The following GAD2 variants were observed in gnomAD, a reference collection of about 807,000 sequenced individuals.
GAD2 encodes glutamate decarboxylase 2.
GAD2 carries 22 observed loss-of-function variants against 80.1 expected under a neutral mutation model. The ratio of observed to expected loss-of-function variants is 0.27; its 90% CI spans 0.20 to 0.39. The LOEUF is 0.39. Ranked by LOEUF, GAD2 falls within the 10% of genes least tolerant of loss-of-function variation. The probability of loss-of-function intolerance (pLI) is 1.00; values close to 1 mark genes in which losing one functional copy is unlikely to be tolerated. For synonymous variants in GAD2, 274 were observed against 256.9 expected (o/e 1.07, Z -0.64); for missense variants, 624 against 738.4 (o/e 0.85, Z 1.80).
chr10:26,243,520 A>G (rs567154710), intron 7 of GAD2, among the ~76,000 whole-genome samples: 1 of 152,362 alleles, frequency 6.6e-6, no homozygotes, highest in South Asian at 2.1e-4. Context: ...CAGATGCAGT[A>G]CAGCTGGGCT....
At chr10:26,224,306 A>G (rs568124626) in intron 5 of GAD2, among the ~76,000 whole-genome samples, 1 of 152,336 alleles carries the variant, frequency 6.6e-6, no homozygotes, top group East Asian at 1.9e-4. Flanking sequence ...ATTCAATACA[A>G]TAAATTCCCC....
rs1834330472 is a variant in GAD2, at chr10:26,301,612, A to G, written c.*651A>G. ...ATGGAGGCACAATAAAACACTTAGC[A>G]AAGTTATTTTGAAACATTGACCCAC... is the stretch of plus-strand genomic sequence containing the variant. On this transcript the variant is annotated 3_prime_UTR_variant, in exon 16 of 16. Coordinates refer to ENST00000376261, the MANE Select transcript of GAD2 (RefSeq NM_001134366.2). The G allele has an allele frequency of 6.6e-6, 1 of 152,192 alleles. No individual in the cohort carries two copies. Among genetic ancestry groups the G allele is most frequent in the Non-Finnish European group, 1.5e-5 (1 of 68,044 alleles). 9.4% of individuals were successfully genotyped at this position (152,192 alleles called of 1,614,324 possible).
At chr10:26,230,310 T>C (rs8190637) in intron 7 of GAD2, among the ~76,000 whole-genome samples, 6,645 of 152,260 alleles carry the variant, frequency 0.044, 491 homozygotes, top group African/African-American at 0.15. Flanking sequence ...ATTTGGACCA[T>C]TGATGCTACG....
chr10:26,253,742 A>G (rs1224812721), intron 8 of GAD2, among the ~76,000 whole-genome samples: 1 of 152,246 alleles, frequency 6.6e-6, no homozygotes, highest in East Asian at 1.9e-4. Flanking sequence ...AAGCACCATG[A>G]TAGAGAAAGT....
At chr10:26,276,340 C>T (rs1480793565) in intron 11 of GAD2, among the ~76,000 whole-genome samples, 1 of 151,998 alleles carries the variant, frequency 6.6e-6, no homozygotes, top group African/African-American at 2.4e-5. Flanking sequence ...CCCTGAGACT[C>T]CAGAGCATGA....
upstream of GAD2, chr10:26,216,600 T>G: frequency 2.3e-6 from 1 of 433,264 alleles, no homozygotes; most frequent in South Asian, 3.9e-5. The surrounding 1 kb of genome is among the most constrained non-coding windows in gnomAD (Gnocchi z 4.7). Flanking sequence ...GCCACGTCCC[T>G]AAACCCTGTC....
At chr10:26,243,726 T>C (rs1293745607) in intron 7 of GAD2, among the ~76,000 whole-genome samples, 2 of 152,250 alleles carry the variant, frequency 1.3e-5, no homozygotes, top group African/African-American at 4.8e-5. Context: ...TGACTCAGGC[T>C]TGGCAGTTGC....
Position 26,240,984 on chromosome 10 carries a change from G to A in GAD2, c.841-4937G>A, listed in dbSNP as rs145207168. Among the ~76,000 whole-genome samples the A allele has an allele frequency of 1.5e-3, 223 of 152,116 alleles. 2 individuals are homozygous for A. Among genetic ancestry groups the A allele is most frequent in the African/African-American group, 4.5e-3 (188 of 41,500 alleles). On this transcript the variant is annotated intron_variant, in intron 7 of 15. Transcript: ENST00000376261. ...GTGAATCCGGGAAGCGGAGCTTGCA[G>A]TGAGCTGAGATCGTGCCACTGCACT...
Position 26,235,968 on chromosome 10 carries a change from A to G in GAD2, c.840+6191A>G, listed in dbSNP as rs547704920. On this transcript the variant is annotated intron_variant, in intron 7 of 15. Transcript: ENST00000376261. ...CAAACAGTGGCTCTTTAGGCAAATC[A>G]CCGTAACTAATTCGCTCCGCTCTTC... Among the ~76,000 whole-genome samples, 5 of 152,242 alleles carry G rather than the reference A, an allele frequency of 3.3e-5. No individual in the cohort carries two copies. The South Asian group carries it at 1.0e-3, about 32-fold the overall frequency.
Position 26,292,422 on chromosome 10 carries a change from C to T in GAD2, c.1387-43C>T, listed in dbSNP as rs373811256. The T allele has an allele frequency of 5.2e-5, 76 of 1,453,700 alleles. No homozygotes were observed. In the African/African-American group the frequency reaches 1.0e-3, roughly 19 times the overall value. 90.1% of individuals were successfully genotyped at this position (1,453,700 alleles called of 1,614,324 possible). ...GTCTCCAGGGAAATCGCTTCCTCCGCACTCTTAGCCTGCTTAATGAGCTGT... is the reference window on the plus strand; with the variant it reads ...GTCTCCAGGGAAATCGCTTCCTCCGTACTCTTAGCCTGCTTAATGAGCTGT... On this transcript the variant is annotated intron_variant, in intron 13 of 15. Transcript: ENST00000376261.
intron 13 of GAD2, 131 bp from the exon 14 acceptor site, chr10:26,292,334 A>G (rs777599904): frequency 9.7e-5 from 63 of 649,232 alleles, no homozygotes; most frequent in Non-Finnish European, 9.4e-5. Context: ...AAGCCTTTGG[A>G]AACAGCCTTG....
In GAD2 at chr10:26,216,956, A is replaced by G. The variant is rs1844379971; in HGVS notation, c.76+71A>G. ...TCTGGGGTTTGCGGAACTACGGAGA[A>G]GACGAAGGAGGTTTTTCCACCTGCA... On this transcript the variant is annotated intron_variant, in intron 1 of 15. Transcript: ENST00000376261. The surrounding 1 kb of genome is among the most constrained non-coding windows in gnomAD (Gnocchi z 4.7). The G allele has an allele frequency of 7.4e-7, 1 of 1,351,066 alleles. No homozygotes were observed. Among genetic ancestry groups the G allele is most frequent in the Admixed American group, 1.9e-5 (1 of 51,362 alleles). 83.7% of individuals were successfully genotyped at this position (1,351,066 alleles called of 1,614,324 possible).
intron 13 of GAD2, among the ~76,000 whole-genome samples, chr10:26,288,569 G>A (rs1404857796): frequency 1.3e-5 from 2 of 152,144 alleles, no homozygotes; most frequent in African/African-American, 4.8e-5. Flanking sequence ...CCTCCAAGCA[G>A]CTTTAAAATG....
At chr10:26,221,306 A>G (rs985179671) in intron 4 of GAD2, among the ~76,000 whole-genome samples, 3 of 152,214 alleles carry the variant, frequency 2.0e-5, no homozygotes, top group Non-Finnish European at 4.4e-5. Flanking sequence ...CCTGATTTCC[A>G]CTTGGGCTCC....
chr10:26,251,873 C>T (rs1298985059), intron 8 of GAD2, among the ~76,000 whole-genome samples: 1 of 152,174 alleles, frequency 6.6e-6, no homozygotes, highest in African/African-American at 2.4e-5. Flanking sequence ...GAGCCTGGCC[C>T]TAATGGTTTA....
At chr10:26,228,717 G>C (rs1844560440) in intron 6 of GAD2, among the ~76,000 whole-genome samples, 1 of 152,196 alleles carries the variant, frequency 6.6e-6, no homozygotes, top group Non-Finnish European at 1.5e-5. Context: ...GAGGGATCTA[G>C]GTTGCATGCT....
intron 8 of GAD2, among the ~76,000 whole-genome samples, chr10:26,265,525 G>A (rs1168403283): frequency 1.3e-5 from 2 of 151,898 alleles, no homozygotes; most frequent in African/African-American, 4.8e-5. Flanking sequence ...CTTCTTAAAG[G>A]CTACTGCTAA....
At chr10:26,255,559 G>A (rs1169414934) in intron 8 of GAD2, among the ~76,000 whole-genome samples, 5 of 149,210 alleles carry the variant, frequency 3.4e-5, no homozygotes, top group Admixed American at 6.7e-5. Flanking sequence ...ATTTCGCTAT[G>A]AGGTGGAGGA....
intron 8 of GAD2, among the ~76,000 whole-genome samples, chr10:26,260,715 C>T (rs1292694858): frequency 6.6e-6 from 1 of 152,100 alleles, no homozygotes; most frequent in Non-Finnish European, 1.5e-5. Flanking sequence ...GTCATGTTGC[C>T]TTCAGAAAAG....
Sources: allele counts gnomAD v4.1 joint callset (sites outside exome capture counted in the v4.1 genomes callset), GRCh38; gene constraint gnomAD v4.1.1; non-coding constraint Gnocchi (gnomAD v3.1); transcripts MANE v1.5; gene names NCBI Gene and HGNC (gene_info 2026-07-23, HGNC 2026-07-21).